Variants in TNIK observed in about 807,000 individuals in gnomAD.
The protein encoded by TNIK is TRAF2 and NCK-interacting protein kinase.
Under a neutral mutation model 191.3 loss-of-function variants are expected in TNIK, and 49 were observed. The observed-to-expected ratio is 0.26, with a 90% CI of 0.20 to 0.32. The LOEUF is 0.32. Ranked by LOEUF, TNIK falls within the 10% of genes least tolerant of loss-of-function variation. The pLI, the probability that TNIK is intolerant of heterozygous loss-of-function variation, is 1.00. For synonymous variants in TNIK, 594 were observed against 600.9 expected (o/e 0.99, Z 0.17); for missense variants, 1,155 against 1,702.3 (o/e 0.68, Z 5.66).
rs536926717 is a variant in TNIK at position 171,072,328 on chromosome 3, T to A, written c.3449-1005A>T. On this transcript the variant is annotated intron_variant, in intron 28 of 32. Coordinates refer to ENST00000436636, the MANE Select transcript of TNIK (RefSeq NM_015028.4). ...GACATTAAGTTTCCAGTTACTTGCT[T>A]TATAACTTTTCATGACATAAAGTGT... Among the ~76,000 whole-genome samples, 8 of 152,264 alleles carry A rather than the reference T, an allele frequency of 5.3e-5. No individual in the cohort carries two copies. In the South Asian group the frequency reaches 1.4e-3, roughly 28 times the overall value.
At chr3:171,343,983 A>G (rs1223124931) in intron 2 of TNIK, among the ~76,000 whole-genome samples, 5 of 152,180 alleles carry the variant, frequency 3.3e-5, no homozygotes, top group African/African-American at 9.7e-5. Context: ...AGAAATCAAC[A>G]TTTCAAACTG....
chr3:171,196,642 A>C (rs992446885), intron 4 of TNIK, among the ~76,000 whole-genome samples: 61 of 152,346 alleles, frequency 4.0e-4, no homozygotes, highest in African/African-American at 1.3e-3. Context: ...TAGATACACC[A>C]ACAAATTGCA....
In TNIK at chr3:171,190,733, T is replaced by C. The variant is rs1312962744; in HGVS notation, c.472A>G (p.Asn158Asp). 1 of 1,597,388 alleles carries C rather than the reference T, an allele frequency of 6.3e-7. No individual in the cohort carries two copies. Residue 158 changes from asparagine (N) to aspartate (D), a missense_variant, in exon 6 of 33, where the codon AAT becomes GAT. Asn to Asp is a conservative substitution (Grantham distance 23). Transcript: ENST00000436636. ...KVIHRDIKGQNVLLTENAEVK... is the reference protein window; with the variant it reads ...KVIHRDIKGQDVLLTENAEVK... Reference sequence around the variant, plus strand: ...TCTGCATTTTCAGTCAGCAAGACATTTTGCCCTTTAATATCTCGATGAATC... The same window carrying C: ...TCTGCATTTTCAGTCAGCAAGACATCTTGCCCTTTAATATCTCGATGAATC...
At chr3:171,421,101 T>A (rs1036223883) in intron 1 of TNIK, among the ~76,000 whole-genome samples, 1 of 152,200 alleles carries the variant, frequency 6.6e-6, no homozygotes, top group Admixed American at 6.6e-5. Context: ...CACTAAGATA[T>A]GAAAGACCAG....
chr3:171,180,602 G>A (rs1239869339), intron 7 of TNIK, among the ~76,000 whole-genome samples: 2 of 152,156 alleles, frequency 1.3e-5, no homozygotes, highest in Admixed American at 1.3e-4. Flanking sequence ...ATGAGAGAAC[G>A]TAGCAAAACC....
At chr3:171,219,915 T>C (rs1044828552) in intron 3 of TNIK, among the ~76,000 whole-genome samples, 2 of 152,168 alleles carry the variant, frequency 1.3e-5, no homozygotes, top group Non-Finnish European at 2.9e-5. Context: ...GGATTATAAA[T>C]CATTCTACTG....
chr3:171,238,764 A>G (rs879893134), intron 2 of TNIK, among the ~76,000 whole-genome samples: 3 of 152,264 alleles, frequency 2.0e-5, no homozygotes, highest in Admixed American at 2.0e-4. Flanking sequence ...TACAAAGATC[A>G]AATGATAAGG....
chr3:171,163,234 A>C (rs1734226720), intron 10 of TNIK, among the ~76,000 whole-genome samples: 1 of 152,216 alleles, frequency 6.6e-6, no homozygotes, highest in Non-Finnish European at 1.5e-5. Context: ...GAACTTTCCT[A>C]TTGGCAATGA....
rs146174870 is a variant in TNIK at position 171,361,319 on chromosome 3, C to G, written c.123+8301G>C. Reference sequence around the variant, plus strand: ...CGAACCACTAGTAGCAATAAGAAATCCCACACAGTCCCTGTATCAAGTTTT... The same window carrying G: ...CGAACCACTAGTAGCAATAAGAAATGCCACACAGTCCCTGTATCAAGTTTT... On this transcript the variant is annotated intron_variant, in intron 2 of 32. Coordinates refer to ENST00000436636, the MANE Select transcript of TNIK (RefSeq NM_015028.4). Among the ~76,000 whole-genome samples the G allele has an allele frequency of 2.0e-3, 305 of 152,308 alleles. 1 individual carries two copies. The highest frequency in any genetic ancestry group is 7.0e-3 in the African/African-American group (292 of 41,560).
intron 2 of TNIK, among the ~76,000 whole-genome samples, chr3:171,359,822 G>C (rs565102966): frequency 2.6e-5 from 4 of 152,252 alleles, no homozygotes; most frequent in African/African-American, 9.6e-5. Context: ...GTACAAAATA[G>C]TTAAAAACCG....
rs565621485 is a variant in TNIK, at chr3:171,244,382, T to C, written c.124-16161A>G. Among the ~76,000 whole-genome samples the C allele has an allele frequency of 1.7e-4, 26 of 152,260 alleles. No individual in the cohort carries two copies. The South Asian group carries it at 2.5e-3, about 15-fold the overall frequency. On this transcript the variant is annotated intron_variant, in intron 2 of 32. Transcript: ENST00000436636. Reference sequence around the variant, plus strand: ...GCCCGGCCAGAAATAAAATTTTAACTTTGTGCTTACTTAGTGCTATACTAT... The same window carrying C: ...GCCCGGCCAGAAATAAAATTTTAACCTTGTGCTTACTTAGTGCTATACTAT...
intron 24 of TNIK, among the ~76,000 whole-genome samples, chr3:171,087,140 G>T (rs953577094): frequency 6.6e-6 from 1 of 152,126 alleles, no homozygotes; most frequent in Non-Finnish European, 1.5e-5. Flanking sequence ...AACAGGTATT[G>T]GTTCAGATGA....
intron 2 of TNIK, among the ~76,000 whole-genome samples, chr3:171,345,768 T>C (rs533560521): frequency 1.3e-5 from 2 of 152,306 alleles, no homozygotes; most frequent in East Asian, 3.9e-4. Flanking sequence ...TAGTAAGCTT[T>C]TCTTCATTAT....
chr3:171,422,092 T>C (rs1252510103), intron 1 of TNIK, among the ~76,000 whole-genome samples: 2 of 152,090 alleles, frequency 1.3e-5, no homozygotes, highest in Non-Finnish European at 2.9e-5. Context: ...ACAAATAATA[T>C]TATTGTGACA....
chr3:171,100,996 G>A (rs1036926427), intron 22 of TNIK, among the ~76,000 whole-genome samples: 4 of 152,188 alleles, frequency 2.6e-5, no homozygotes, highest in Non-Finnish European at 4.4e-5. Context: ...GGATGGTAAC[G>A]CATGCTGGCT....
At chr3:171,316,564 G>A (rs991914228) in intron 2 of TNIK, among the ~76,000 whole-genome samples, 1 of 152,116 alleles carries the variant, frequency 6.6e-6, no homozygotes. Context: ...AGGCAAGCTG[G>A]AGCAAAGAGT....
chr3:171,096,007 T>C (rs975741134), intron 22 of TNIK, among the ~76,000 whole-genome samples: 1 of 152,158 alleles, frequency 6.6e-6, no homozygotes, highest in Non-Finnish European at 1.5e-5. Flanking sequence ...TATCTTCCAT[T>C]TTTTTTTCTT....
At chr3:171,138,972 C>G (rs1303560495) in intron 14 of TNIK, among the ~76,000 whole-genome samples, 1 of 152,166 alleles carries the variant, frequency 6.6e-6, no homozygotes, top group Admixed American at 6.5e-5. Context: ...AAGTACTGTA[C>G]TTCAAGTGGA....
intron 1 of TNIK, among the ~76,000 whole-genome samples, chr3:171,459,658 CA>C (rs1355782624): frequency 7.7e-6 from 1 of 130,028 alleles, no homozygotes; most frequent in Middle Eastern, 4.1e-3. Flanking sequence ...TGGCACCAGA[CA>C]ACTGCCCGGG....
Sources: allele counts gnomAD v4.1 joint callset (sites outside exome capture counted in the v4.1 genomes callset), GRCh38; gene constraint gnomAD v4.1.1; transcripts MANE v1.5; gene names NCBI Gene and HGNC (gene_info 2026-07-23, HGNC 2026-07-21).